Variants in AIPL1 observed in about 807,000 individuals in gnomAD.
The protein encoded by AIPL1 is AIP like 1 HSP90 co-chaperone.
AIPL1 carries 23 observed loss-of-function variants against 32.9 expected under a neutral mutation model. That is an observed-to-expected ratio of 0.70 (90% CI 0.50 to 0.99). The LOEUF is 0.99. Among genes scored for constraint, AIPL1 ranks in the 50% least tolerant of loss-of-function variants. The pLI is 0.00. For synonymous variants in AIPL1, 210 were observed against 209.4 expected, an observed-to-expected ratio of 1.00 and a Z score of -0.02; for missense variants, 485 against 506.0, an observed-to-expected ratio of 0.96 and a Z score of 0.40.
At position 6,426,619 on chromosome 17, in the gene AIPL1, G is replaced by A. The variant is rs145304845; in HGVS notation, c.780C>T (p.His260=). 1,176 of 1,613,796 alleles carry A rather than the reference G, an allele frequency of 7.3e-4. 1 individual carries two copies. The highest frequency in any genetic ancestry group is 8.0e-4 in the Non-Finnish European group (941 of 1,179,994). Reference sequence around the variant, plus strand: ...CGCCCCTGCAGCCCCGCGCACCTGGGTGGTGCCGGAGAATATCACTGGTGT... The same window carrying A: ...CGCCCCTGCAGCCCCGCGCACCTGGATGGTGCCGGAGAATATCACTGGTGT... ...LEHTSDILRH[H]PGIVKAYYVR... is the part of the protein sequence containing the mutation. The change falls in exon 5 of 6, where the codon CAC becomes CAT. Residue 260 remains histidine (H), a synonymous_variant. Transcript: ENST00000381129.
intron 2 of AIPL1, among the ~76,000 whole-genome samples, chr17:6,431,267 T>G (rs1912578821): frequency 6.7e-6 from 1 of 150,362 alleles, no homozygotes; most frequent in Non-Finnish European, 1.5e-5. Flanking sequence ...TCCAACATGA[T>G]GAAAACCTGT....
chr17:6,433,111 G>A (rs1310213582), intron 2 of AIPL1, among the ~76,000 whole-genome samples: 1 of 152,176 alleles, frequency 6.6e-6, no homozygotes, highest in Non-Finnish European at 1.5e-5. Context: ...ATGTTTGAAA[G>A]TTCCCATAAG....
chr17:6,433,917 A>G lies in AIPL1; in HGVS notation c.276+2T>C, dbSNP rs774038630. On this transcript the variant is annotated splice_donor_variant, in intron 2 of 5. Transcript: ENST00000381129. LOFTEE classifies it high-confidence loss of function. ...GGAGACAGGCGCGCAGGGCCTACTT[A>G]CGATGGTGTCGCACCAGAACTCGGC... The G allele has an allele frequency of 6.3e-7, 1 of 1,598,302 alleles. No individual in the cohort carries two copies. Among genetic ancestry groups the G allele is most frequent in the East Asian group, 2.2e-5 (1 of 44,840 alleles).
intron 3 of AIPL1, among the ~76,000 whole-genome samples, chr17:6,427,409 G>C (rs1213211085): frequency 2.0e-5 from 3 of 152,224 alleles, no homozygotes; most frequent in Non-Finnish European, 2.9e-5. Context: ...GGAGATGCCG[G>C]TGCACCTTGT....
intron 2 of AIPL1, among the ~76,000 whole-genome samples, chr17:6,431,176 T>A (rs1254368689): frequency 6.6e-6 from 1 of 152,150 alleles, no homozygotes; most frequent in Admixed American, 6.5e-5. Context: ...CTGGACATGG[T>A]GGCTCACGCC....
chr17:6,425,723 G>A lies in AIPL1; in HGVS notation c.892C>T (p.Gln298Ter). The A allele has an allele frequency of 3.1e-6, 5 of 1,607,702 alleles. No homozygotes were observed. The highest frequency in any genetic ancestry group is 4.2e-6 in the Non-Finnish European group (5 of 1,180,006). ...QKVLELEPSM[Q>*]KAVRRELRLL... ...CTCAGCTCCCTGCGCACCGCCTTCT[G>A]CATGGACGGCTCCAGCTCCAGCACT... The change falls in exon 6 of 6, where the codon CAG (glutamine) becomes TAG (stop). Residue 298 changes from glutamine to a stop codon, truncating the protein, a stop_gained. Coordinates refer to ENST00000381129, the MANE Select transcript of AIPL1 (RefSeq NM_014336.5). LOFTEE classifies it low-confidence loss of function (END_TRUNC).
At chr17:6,432,107 G>A (rs990877038) in intron 2 of AIPL1, among the ~76,000 whole-genome samples, 3 of 152,278 alleles carry the variant, frequency 2.0e-5, no homozygotes, top group Non-Finnish European at 2.9e-5. Context: ...GAAGGAGGCC[G>A]AGCGTGGTGG....
intron 2 of AIPL1, among the ~76,000 whole-genome samples, chr17:6,430,077 GTGTGTGTGTGCA>G (rs1912434422): frequency 7.5e-6 from 1 of 132,972 alleles, no homozygotes; most frequent in African/African-American, 2.6e-5. Flanking sequence ...GTGTGTGTGT[GTGTGTGTGTGCA>G]TGCGTACATG....
At chr17:6,427,197 C>A (rs564393652) in intron 3 of AIPL1, 140 bp from the exon 4 acceptor site, 7 of 929,502 alleles carry the variant, frequency 7.5e-6, no homozygotes, top group African/African-American at 6.6e-5. Flanking sequence ...GGGAAAGAAG[C>A]AACAACGCCG....
At chr17:6,433,837 C>A in intron 2 of AIPL1, 82 bp downstream of exon 2, 1 of 1,528,484 alleles carries the variant, frequency 6.5e-7, no homozygotes, top group Non-Finnish European at 8.9e-7. Context: ...CCAGCTTTCC[C>A]GAAACACAGC....
In AIPL1 at chr17:6,426,292, T is replaced by G. The variant is rs1191395546; in HGVS notation, c.784+323A>C. On this transcript the variant is annotated intron_variant, in intron 5 of 5. Coordinates refer to ENST00000381129, the MANE Select transcript of AIPL1 (RefSeq NM_014336.5). ...TGCCATATCCTCGCAACACCAGTAC[T>G]AGTACCGACATCATAATATTTTTCC... 1.8e-5 allele frequency: 24 copies of G among 1,343,768 alleles called. No homozygotes were observed. In the East Asian group the frequency reaches 6.9e-4, roughly 39 times the overall value. The allele number at this position is 1,343,768 out of a possible 1,614,324, so 83.2% of individuals were successfully genotyped here.
At chr17:6,434,654 G>A (rs1244836833) in intron 1 of AIPL1, among the ~76,000 whole-genome samples, 2 of 152,120 alleles carry the variant, frequency 1.3e-5, no homozygotes, top group Non-Finnish European at 1.5e-5. Context: ...CGCCTCGCCT[G>A]GCCAAAGCCC....
At chr17:6,433,691 G>A (rs1912856059) in intron 2 of AIPL1, among the ~76,000 whole-genome samples, 1 of 150,594 alleles carries the variant, frequency 6.6e-6, no homozygotes, top group South Asian at 2.1e-4. Flanking sequence ...GCTCACTCCT[G>A]CTGGTCATAG....
chr17:6,434,996 G>A lies in AIPL1; in HGVS notation c.96+13C>T. The A allele has an allele frequency of 6.2e-7, 1 of 1,614,148 alleles. No individual in the cohort carries two copies. Among genetic ancestry groups the A allele is most frequent in the Non-Finnish European group, 8.5e-7 (1 of 1,180,004 alleles). On this transcript the variant is annotated intron_variant, in intron 1 of 5. Coordinates refer to ENST00000381129, the MANE Select transcript of AIPL1 (RefSeq NM_014336.5). The stretch of plus-strand genomic sequence containing the variant: ...GTGGGGGACCCTGTCTGCTCCGGAG[G>A]GGCCCCACTCACTCGGGATCCGGTG...
intron 2 of AIPL1, among the ~76,000 whole-genome samples, chr17:6,429,812 GTAGGTAGGTAGGTAGA>G (rs1193094814): frequency 2.5e-4 from 22 of 88,768 alleles, no homozygotes; most frequent in Admixed American, 6.5e-4. Flanking sequence ...AGGTAGGTAG[GTAGGTAGGTAGGTAGA>G]TAGATAGATA....
At position 6,425,564 on chromosome 17, in the gene AIPL1, G is replaced by A. The variant is rs759749622; in HGVS notation, c.1051C>T (p.Pro351Ser). 1 of 1,613,164 alleles carries A rather than the reference G, an allele frequency of 6.2e-7. No individual in the cohort carries two copies. Among genetic ancestry groups the A allele is most frequent in the Non-Finnish European group, 8.5e-7 (1 of 1,179,682 alleles). The change falls in exon 6 of 6, where the codon CCT (proline) becomes TCT (serine). Residue 351 changes from proline to serine, a missense_variant. Physicochemically the swap from Pro to Ser is moderately conservative, Grantham distance 74. Coordinates refer to ENST00000381129, the MANE Select transcript of AIPL1 (RefSeq NM_014336.5). ...EPPAQSSTEPPAEPPTAPSAE... is the reference protein window; with the variant it reads ...EPPAQSSTEPSAEPPTAPSAE... ...GATGGTGCTGTGGGTGGCTCTGCAGGTGGCTCTGTGGATGACTGTGCGGGT... is the reference window on the plus strand; with the variant it reads ...GATGGTGCTGTGGGTGGCTCTGCAGATGGCTCTGTGGATGACTGTGCGGGT...
chr17:6,425,833 G>T lies in AIPL1; in HGVS notation c.785-3C>A, dbSNP rs990248207. The T allele has an allele frequency of 6.2e-6, 10 of 1,602,572 alleles. No individual in the cohort carries two copies. The highest frequency in any genetic ancestry group is 8.5e-6 in the Non-Finnish European group (10 of 1,179,396). The stretch of plus-strand genomic sequence containing the variant: ...CACGTAGTAGGCCTTCACGATGCCT[G>T]TGGGGAGCAGGGAGCATCCAGCTAC... On this transcript the variant is annotated splice_polypyrimidine_tract_variant and splice_region_variant and intron_variant, in intron 5 of 5. Coordinates refer to ENST00000381129, the MANE Select transcript of AIPL1 (RefSeq NM_014336.5).
chr17:6,428,560 G>A, intron 2 of AIPL1, 54 bp from the exon 3 acceptor site: 1 of 1,536,730 alleles, frequency 6.5e-7, no homozygotes, highest in Non-Finnish European at 9.0e-7. Flanking sequence ...GAGCTAGGTG[G>A]GCCATAAAAG....
intron 2 of AIPL1, among the ~76,000 whole-genome samples, chr17:6,430,286 T>C (rs952654762): frequency 6.6e-6 from 1 of 151,562 alleles, no homozygotes; most frequent in Non-Finnish European, 1.5e-5. Context: ...TGAAATCCCA[T>C]CTCTACTAAA....
Sources: allele counts gnomAD v4.1 joint callset (sites outside exome capture counted in the v4.1 genomes callset), GRCh38; gene constraint gnomAD v4.1.1; transcripts MANE v1.5; gene names NCBI Gene and HGNC (gene_info 2026-07-23, HGNC 2026-07-21).